PREP: variants seen among roughly 807,000 people sequenced by gnomAD.
PREP encodes the protein dJ355L5.1 (prolyl endopeptidase).
In PREP, 29 loss-of-function variants were observed where a neutral mutation model predicts 87.6. The ratio of observed to expected loss-of-function variants is 0.33; its 90% CI spans 0.25 to 0.45. The LOEUF is 0.45. Ranked by LOEUF, PREP falls within the 20% of genes least tolerant of loss-of-function variation. The pLI, the probability that PREP is intolerant of heterozygous loss-of-function variation, is 1.00. For synonymous variants in PREP, 337 were observed against 328.6 expected (o/e 1.03, Z -0.28); for missense variants, 695 against 886.5 (o/e 0.78, Z 2.74).
intron 10 of PREP, among the ~76,000 whole-genome samples, chr6:105,319,419 T>G (rs1770948776): frequency 1.3e-5 from 2 of 152,198 alleles, no homozygotes; most frequent in Admixed American, 1.3e-4. Flanking sequence ...TCTATAAATT[T>G]TGTCTTTCAT....
At chr6:105,296,785 T>C (rs1770420803) in intron 10 of PREP, among the ~76,000 whole-genome samples, 1 of 152,256 alleles carries the variant, frequency 6.6e-6, no homozygotes, top group Non-Finnish European at 1.5e-5. Flanking sequence ...TTTTTCAACC[T>C]TCCTAATTGA....
At chr6:105,395,250 T>C (rs1018222379) in intron 2 of PREP, among the ~76,000 whole-genome samples, 2 of 152,230 alleles carry the variant, frequency 1.3e-5, no homozygotes, top group South Asian at 2.1e-4. Context: ...CAAAGGCACA[T>C]GGCAAGCACA....
chr6:105,347,218 T>G (rs1191642880), intron 7 of PREP, among the ~76,000 whole-genome samples: 1 of 152,202 alleles, frequency 6.6e-6, no homozygotes, highest in African/African-American at 2.4e-5. Context: ...AGCATGGATC[T>G]GTGCGCTGGG....
At chr6:105,305,854 T>TTGG (rs1554205162) in intron 10 of PREP, among the ~76,000 whole-genome samples, 63 of 150,908 alleles carry the variant, frequency 4.2e-4, no homozygotes, top group African/African-American at 1.5e-3. Context: ...CTTTTTTTTT[T>TTGG]GGGGGGGACA....
chr6:105,288,559 G>A (rs1376725315), intron 11 of PREP, among the ~76,000 whole-genome samples, 199 bp downstream of exon 11: 1 of 152,176 alleles, frequency 6.6e-6, no homozygotes, highest in East Asian at 1.9e-4. Context: ...GTTTCACCAT[G>A]TTGGTCAGGC....
chr6:105,283,316 G>T (rs1770121342), intron 12 of PREP, among the ~76,000 whole-genome samples: 1 of 152,156 alleles, frequency 6.6e-6, no homozygotes, highest in Non-Finnish European at 1.5e-5. Context: ...ATTACTTGGA[G>T]AAACATTTAC....
intron 5 of PREP, among the ~76,000 whole-genome samples, chr6:105,369,907 C>T (rs1409607472): frequency 1.3e-5 from 2 of 152,160 alleles, no homozygotes; most frequent in Non-Finnish European, 2.9e-5. Flanking sequence ...GGCAAATAAT[C>T]ATATGGAAAG....
chr6:105,359,578 A>T (rs1426835544), intron 6 of PREP, among the ~76,000 whole-genome samples: 5 of 152,148 alleles, frequency 3.3e-5, no homozygotes, highest in Admixed American at 6.5e-5. Flanking sequence ...CAGCATGTGT[A>T]GTGGGTGCTG....
At chr6:105,311,222 T>A (rs1322380624) in intron 10 of PREP, among the ~76,000 whole-genome samples, 31 of 152,348 alleles carry the variant, frequency 2.0e-4, no homozygotes, top group Non-Finnish European at 1.2e-4. Context: ...AAAATGATTT[T>A]CTTACATCAA....
At chr6:105,303,746 AACC>A (rs1381862204) in intron 10 of PREP, among the ~76,000 whole-genome samples, 1 of 152,226 alleles carries the variant, frequency 6.6e-6, no homozygotes, top group East Asian at 1.9e-4. Flanking sequence ...AAATAACCAA[AACC>A]AAAAGAAACA....
At chr6:105,365,460 G>A (rs991970009) in intron 6 of PREP, among the ~76,000 whole-genome samples, 2 of 152,144 alleles carry the variant, frequency 1.3e-5, no homozygotes, top group Middle Eastern at 3.2e-3. Flanking sequence ...TCATGATCCA[G>A]ATTTTTCTGA....
chr6:105,396,661 C>G (rs1773291069), intron 2 of PREP, among the ~76,000 whole-genome samples: 1 of 151,568 alleles, frequency 6.6e-6, no homozygotes, highest in Non-Finnish European at 1.5e-5. Flanking sequence ...GAAGACTGGC[C>G]TGAAAAACTA....
At chr6:105,295,464 C>G (rs1252931909) in intron 10 of PREP, among the ~76,000 whole-genome samples, 3 of 152,098 alleles carry the variant, frequency 2.0e-5, no homozygotes, top group Non-Finnish European at 4.4e-5. Flanking sequence ...ATCACCCTGT[C>G]TGCCTCTTAA....
chr6:105,299,435 C>T (rs953643067), intron 10 of PREP, among the ~76,000 whole-genome samples: 1 of 152,202 alleles, frequency 6.6e-6, no homozygotes, highest in Non-Finnish European at 1.5e-5. Flanking sequence ...CCCATCTCTA[C>T]TAAAAATACA....
chr6:105,323,754 A>G lies in PREP; in HGVS notation c.1228T>C (p.Cys410Arg), dbSNP rs1208539663. 1 of 1,612,734 alleles carries G rather than the reference A, an allele frequency of 6.2e-7. No homozygotes were observed. The highest frequency in any genetic ancestry group is 1.1e-5 in the South Asian group (1 of 91,058). ...TCCAGCTCCTCTTTGGTAAGATCAC[A>G]GTGATAAATGATACCTAAAAAGTAG... ...SFLSPGIIYH[C>R]DLTKEELEPR... is the part of the protein sequence containing the mutation. The change falls in exon 10 of 15, where the codon TGT becomes CGT. Residue 410 changes from cysteine to arginine, a missense_variant. Transcript: ENST00000652536.
chr6:105,372,905 T>C (rs7745929), intron 5 of PREP, among the ~76,000 whole-genome samples: 6,706 of 152,274 alleles, frequency 0.044, 508 homozygotes, highest in African/African-American at 0.16. Context: ...TGGCTTGCTT[T>C]AGCCAACAGA....
chr6:105,334,315 G>A (rs1012779054), intron 7 of PREP, among the ~76,000 whole-genome samples: 5 of 152,152 alleles, frequency 3.3e-5, no homozygotes, highest in African/African-American at 1.2e-4. Context: ...CTCACTTCCT[G>A]TCCTTTACTG....
chr6:105,390,357 T>C (rs772534576), intron 2 of PREP, among the ~76,000 whole-genome samples: 10 of 152,214 alleles, frequency 6.6e-5, no homozygotes, highest in African/African-American at 9.6e-5. Flanking sequence ...TAAATAAAAA[T>C]ACTTTTTTCC....
intron 6 of PREP, 111 bp downstream of exon 6, chr6:105,368,792 T>C: frequency 7.8e-7 from 1 of 1,281,894 alleles, no homozygotes; most frequent in Non-Finnish European, 1.1e-6. Context: ...CAAAAGAATA[T>C]TCACTCATGG....
Sources: gnomAD v4.1 joint callset for allele counts (sites outside exome capture counted in the v4.1 genomes callset) on GRCh38, gnomAD v4.1.1 for gene constraint, MANE v1.5 for transcripts, NCBI Gene and HGNC (gene_info 2026-07-23, HGNC 2026-07-21) for gene names.